Variants in PTBP2 observed in about 807,000 individuals in gnomAD.
The protein encoded by PTBP2 is polypyrimidine tract binding protein 2.
Under a neutral mutation model 61.4 loss-of-function variants are expected in PTBP2, and 13 were observed. The ratio of observed to expected loss-of-function variants is 0.21; its 90% CI spans 0.14 to 0.34. The LOEUF is 0.34. PTBP2 is among the 10% of genes least tolerant of loss of function. PTBP2 has a pLI of 1.00. For synonymous variants in PTBP2, 215 were observed against 218.5 expected, an observed-to-expected ratio of 0.98 and a Z score of 0.14; for missense variants, 405 against 642.6, an observed-to-expected ratio of 0.63 and a Z score of 4.00.
At chr1:96,810,198 C>T (rs777311443) in intron 11 of PTBP2, among the ~76,000 whole-genome samples, 1 of 152,098 alleles carries the variant, frequency 6.6e-6, no homozygotes, top group Admixed American at 6.5e-5. Context: ...TCAAAAATGT[C>T]ATTTCAATTG....
intron 8 of PTBP2, among the ~76,000 whole-genome samples, chr1:96,790,085 C>T (rs187702824): frequency 3.3e-5 from 5 of 152,264 alleles, no homozygotes; most frequent in African/African-American, 9.6e-5. Flanking sequence ...TAATAGTCCT[C>T]TCCCTCTCTC....
chr1:96,795,301 G>T (rs1660258484), intron 8 of PTBP2, among the ~76,000 whole-genome samples: 1 of 152,130 alleles, frequency 6.6e-6, no homozygotes, highest in Non-Finnish European at 1.5e-5. Flanking sequence ...AAATGAGAAT[G>T]CAAAGTAAGA....
At chr1:96,810,205 A>G (rs981434794) in intron 11 of PTBP2, among the ~76,000 whole-genome samples, 1 of 152,210 alleles carries the variant, frequency 6.6e-6, no homozygotes, top group Non-Finnish European at 1.5e-5. Context: ...TGTCATTTCA[A>G]TTGTGAAACA....
chr1:96,811,377 C>T (rs1662067217), intron 11 of PTBP2, among the ~76,000 whole-genome samples: 2 of 152,026 alleles, frequency 1.3e-5, no homozygotes, highest in Non-Finnish European at 2.9e-5. Context: ...ATTTCCTGAT[C>T]TTCCACATTG....
chr1:96,815,506 G>A (rs1214570591), downstream of PTBP2: 2 of 151,836 alleles, frequency 1.3e-5, no homozygotes, highest in Admixed American at 1.3e-4. Flanking sequence ...TTACAATTAG[G>A]GTGCTATTTA....
At chr1:96,778,196 A>C (rs1165774308) in intron 7 of PTBP2, among the ~76,000 whole-genome samples, 1 of 149,760 alleles carries the variant, frequency 6.7e-6, no homozygotes, top group African/African-American at 2.4e-5. Flanking sequence ...ATTTAAGGAC[A>C]AAAGTTTGTA....
At position 96,751,306 on chromosome 1, in the gene PTBP2, G is replaced by C. The variant is rs1338657711; in HGVS notation, c.40-119G>C. The C allele has an allele frequency of 7.4e-6, 6 of 815,026 alleles. No individual in the cohort carries two copies. In the South Asian group the frequency reaches 8.4e-5, roughly 11 times the overall value. The allele number at this position is 815,026 out of a possible 1,614,324, so 50.5% of individuals were successfully genotyped here. A position where few individuals can be genotyped will look rare whatever the true frequency, so the allele number is the denominator to read the frequency against. On this transcript the variant is annotated intron_variant, in intron 2 of 13. Coordinates refer to ENST00000674951, the MANE Select transcript of PTBP2 (RefSeq NM_021190.4). ...GGGATGAAGTTAATTTTTTATTATA[G>C]GGATTAACATTTTTAACTATTCCCA...
chr1:96,777,264 A>G (rs1658140816), intron 5 of PTBP2, among the ~76,000 whole-genome samples: 1 of 152,160 alleles, frequency 6.6e-6, no homozygotes, highest in South Asian at 2.1e-4. Flanking sequence ...ATTTCTGTTT[A>G]AAACATTTTC....
intron 2 of PTBP2, among the ~76,000 whole-genome samples, chr1:96,736,513 A>G (rs1035965684): frequency 6.6e-6 from 1 of 152,158 alleles, no homozygotes; most frequent in African/African-American, 2.4e-5. Context: ...CTTGACATGT[A>G]TGTAGTTTAA....
chr1:96,737,475 A>G (rs912209598), intron 2 of PTBP2, among the ~76,000 whole-genome samples: 3 of 149,888 alleles, frequency 2.0e-5, no homozygotes, highest in Non-Finnish European at 4.4e-5. Flanking sequence ...AAAAGAAGGC[A>G]AAAAAAAAGG....
intron 8 of PTBP2, among the ~76,000 whole-genome samples, chr1:96,803,297 T>C (rs932887168): frequency 1.2e-4 from 19 of 152,176 alleles, no homozygotes; most frequent in African/African-American, 4.3e-4. Context: ...GAGTTGATCA[T>C]TGTTAAAGTT....
At position 96,814,430 on chromosome 1, in the gene PTBP2, A is replaced by G. The variant is rs1390871377; in HGVS notation, c.*1025A>G. The stretch of plus-strand genomic sequence containing the variant: ...TTGTGGCAGTTTTCTAAAACTGACA[A>G]CCAGGTGGGACCAAAGTTTATGTGC... On this transcript the variant is annotated 3_prime_UTR_variant, in exon 14 of 14. Coordinates refer to ENST00000674951, the MANE Select transcript of PTBP2 (RefSeq NM_021190.4). 6.6e-6 allele frequency: 1 copy of G among 152,586 alleles called. No homozygotes were observed. Among genetic ancestry groups the G allele is most frequent in the Admixed American group, 6.5e-5 (1 of 15,272 alleles). The allele number at this position is 152,586 out of a possible 1,614,324, so 9.5% of individuals were successfully genotyped here. A position where few individuals can be genotyped will look rare whatever the true frequency, so the allele number is the denominator to read the frequency against.
intron 2 of PTBP2, among the ~76,000 whole-genome samples, chr1:96,726,035 A>G (rs1026297626): frequency 8.5e-5 from 11 of 128,796 alleles, no homozygotes; most frequent in Admixed American, 5.5e-4. Context: ...AGATTGCACC[A>G]CTGCACTCCA....
At chr1:96,792,795 T>C (rs570194918) in intron 8 of PTBP2, among the ~76,000 whole-genome samples, 3 of 152,290 alleles carry the variant, frequency 2.0e-5, no homozygotes, top group African/African-American at 7.2e-5. Context: ...CGTTAAAATT[T>C]ATGTCAATCT....
intron 8 of PTBP2, among the ~76,000 whole-genome samples, chr1:96,794,060 G>T (rs985015897): frequency 2.0e-5 from 3 of 152,106 alleles, no homozygotes; most frequent in African/African-American, 7.2e-5. Context: ...TTGCTTAAAT[G>T]GATCCATTAT....
chr1:96,812,643 A>T (rs540397019), intron 11 of PTBP2, 69 bp from the exon 12 acceptor site: 21 of 1,230,854 alleles, frequency 1.7e-5, no homozygotes, highest in Admixed American at 2.3e-5. Flanking sequence ...TTAAACTGTT[A>T]CGTTAAAAGA....
rs147455905 is a variant in PTBP2 at position 96,796,717 on chromosome 1, T to C, written c.905-8083T>C. Among the ~76,000 whole-genome samples, 404 of 152,196 alleles carry C rather than the reference T, an allele frequency of 2.7e-3. 2 individuals are homozygous for C. Among genetic ancestry groups the C allele is most frequent in the Non-Finnish European group, 4.6e-3 (311 of 68,008 alleles). On this transcript the variant is annotated intron_variant, in intron 8 of 13. Transcript: ENST00000674951. ...CTGGAATTGTGTAACATTAAAGGAATAGTAGCAAATGAGCAGAGTGTTGGC... is the reference window on the plus strand; with the variant it reads ...CTGGAATTGTGTAACATTAAAGGAACAGTAGCAAATGAGCAGAGTGTTGGC...
At chr1:96,798,078 A>G (rs1245111494) in intron 8 of PTBP2, among the ~76,000 whole-genome samples, 2 of 142,308 alleles carry the variant, frequency 1.4e-5, no homozygotes, top group Non-Finnish European at 3.1e-5. Context: ...TCTGTCTCTA[A>G]AAAAAAAAAA....
In PTBP2 at chr1:96,813,619, A is replaced by T; in HGVS notation, c.*214A>T. On this transcript the variant is annotated 3_prime_UTR_variant, in exon 14 of 14. Coordinates refer to ENST00000674951, the MANE Select transcript of PTBP2 (RefSeq NM_021190.4). ...AACTGCTATATTTCATCTGTTCTAT[A>T]GGGAAGCCATTTTGTCTGTTTAAAA... 2 of 323,134 alleles carry T rather than the reference A, an allele frequency of 6.2e-6. No homozygotes were observed. The highest frequency in any genetic ancestry group is 1.1e-5 in the Non-Finnish European group (2 of 183,180). The allele number at this position is 323,134 out of a possible 1,614,324, so 20.0% of individuals were successfully genotyped here.
Sources: gnomAD v4.1 joint callset for allele counts (sites outside exome capture counted in the v4.1 genomes callset) on GRCh38, gnomAD v4.1.1 for gene constraint, MANE v1.5 for transcripts, NCBI Gene and HGNC (gene_info 2026-07-23, HGNC 2026-07-21) for gene names.